PLAC8: variants seen among roughly 807,000 people sequenced by gnomAD.
The protein encoded by PLAC8 is placenta-specific gene 8 protein.
Under a neutral mutation model 12.6 loss-of-function variants are expected in PLAC8, and 6 were observed. The observed-to-expected ratio is 0.48, with a 90% CI of 0.26 to 0.94. PLAC8 has a LOEUF of 0.94. Ranked by LOEUF, PLAC8 falls within the 40% of genes least tolerant of loss-of-function variation. PLAC8 has a pLI of 0.14. For missense variants in PLAC8, 122 were observed against 152.7 expected (o/e 0.80, Z 1.06); for synonymous variants, 54 against 52.6 (o/e 1.03, Z -0.11).
Position 83,094,852 on chromosome 4 carries a change from C to A in PLAC8, c.244-61G>T. 4 of 961,858 alleles carry A rather than the reference C, an allele frequency of 4.2e-6. No individual in the cohort carries two copies. The South Asian group carries it at 5.4e-5, about 13-fold the overall frequency. The allele number at this position is 961,858 out of a possible 1,614,324, so 59.6% of individuals were successfully genotyped here. A position where few individuals can be genotyped will look rare whatever the true frequency, so the allele number is the denominator to read the frequency against. ...TTCACCTATTTGGAATTAAGACTTG[C>A]CACATCTTGAAGAGAAGCAGAAGGC... On this transcript the variant is annotated intron_variant, in intron 3 of 4. Transcript: ENST00000311507.
At chr4:83,101,232 T>G (rs1434889054) in intron 3 of PLAC8, among the ~76,000 whole-genome samples, 4 of 151,964 alleles carry the variant, frequency 2.6e-5, no homozygotes, top group Non-Finnish European at 5.9e-5. Context: ...ACAAAAAAAT[T>G]AGCTGGGTGT....
chr4:83,106,489 G>T (rs1299786201), intron 2 of PLAC8, among the ~76,000 whole-genome samples: 1 of 151,824 alleles, frequency 6.6e-6, no homozygotes. Flanking sequence ...GTGGTTGTGC[G>T]TGCCTGTAAC....
intron 1 of PLAC8, among the ~76,000 whole-genome samples, chr4:83,113,089 A>ACTGTTCAGAGATTGTGGTT (rs1560458609): frequency 6.6e-6 from 1 of 152,240 alleles, no homozygotes; most frequent in East Asian, 1.9e-4. Context: ...AATTCTACAC[A>ACTGTTCAGAGATTGTGGTT]CTGTTCAGAG....
At chr4:83,106,532 A>C (rs1014431457) in intron 2 of PLAC8, among the ~76,000 whole-genome samples, 1 of 151,844 alleles carries the variant, frequency 6.6e-6, no homozygotes, top group Non-Finnish European at 1.5e-5. Context: ...TAGGAGAATC[A>C]CTTGAACCAG....
chr4:83,107,271 C>T (rs1182980560), intron 2 of PLAC8, among the ~76,000 whole-genome samples: 2 of 150,758 alleles, frequency 1.3e-5, no homozygotes, highest in Admixed American at 6.6e-5. Context: ...CAGTGACAAG[C>T]TAATTGCCTC....
chr4:83,100,274 C>G (rs1033856802), intron 3 of PLAC8, among the ~76,000 whole-genome samples: 1 of 131,486 alleles, frequency 7.6e-6, no homozygotes, highest in African/African-American at 3.4e-5. Context: ...GAGCGAGACT[C>G]CATCTCAAAA....
intron 1 of PLAC8, among the ~76,000 whole-genome samples, chr4:83,111,223 C>A (rs1383469248): frequency 6.6e-6 from 1 of 152,186 alleles, no homozygotes; most frequent in Non-Finnish European, 1.5e-5. Flanking sequence ...CCTGCCTTGG[C>A]CTCCCAAAAC....
intron 4 of PLAC8, among the ~76,000 whole-genome samples, chr4:83,091,187 A>G (rs1731798843): frequency 6.6e-6 from 1 of 152,200 alleles, no homozygotes; most frequent in South Asian, 2.1e-4. Context: ...ATGCATTACT[A>G]CTAATCAAAG....
intron 4 of PLAC8, chr4:83,092,810 C>CTTTTTTTTTTTTTTTTTT: frequency 1.2e-5 from 1 of 84,886 alleles, no homozygotes; most frequent in Non-Finnish European, 2.2e-5. Context: ...TTTTCTTTTC[C>CTTTTTTTTTTTTTTTTTT]TTTTTTTTTT....
chr4:83,101,245 C>T (rs555661642), intron 3 of PLAC8, among the ~76,000 whole-genome samples: 3 of 152,010 alleles, frequency 2.0e-5, no homozygotes, highest in African/African-American at 7.2e-5. Flanking sequence ...CTGGGTGTGG[C>T]GGCACGGGCC....
intron 3 of PLAC8, among the ~76,000 whole-genome samples, chr4:83,101,526 G>T (rs1168245146): frequency 6.6e-6 from 1 of 152,238 alleles, no homozygotes; most frequent in Admixed American, 6.5e-5. Flanking sequence ...GATGGAGAAG[G>T]TGTGGCAAGT....
Position 83,112,188 on chromosome 4 carries a change from T to TTA in PLAC8, c.-30+2476_-30+2477dup, listed in dbSNP as rs1391536491. On this transcript the variant is annotated intron_variant, in intron 1 of 4. Coordinates refer to ENST00000311507, the MANE Select transcript of PLAC8 (RefSeq NM_016619.3). ...GACTCCGTCTCAAAAAAAAAAAAAT[T>TTA]TATATATATATATATGTATATATAT... 1.7e-3 allele frequency among the ~76,000 whole-genome samples: 168 copies of TTA among 96,466 alleles called. 3 individuals carry two copies. Among genetic ancestry groups the TTA allele is most frequent in the African/African-American group, 6.8e-3 (138 of 20,308 alleles). The allele number at this position is 96,466 out of a possible 152,430, so 63.3% of individuals were successfully genotyped here. A position where few individuals can be genotyped will look rare whatever the true frequency, so the allele number is the denominator to read the frequency against.
At chr4:83,113,997 TTAA>T (rs1326435060) in intron 1 of PLAC8, among the ~76,000 whole-genome samples, 2 of 150,694 alleles carry the variant, frequency 1.3e-5, no homozygotes, top group African/African-American at 4.9e-5. Context: ...ATACATATTA[TTAA>T]TATTGATTAA....
intron 3 of PLAC8, among the ~76,000 whole-genome samples, chr4:83,101,120 C>T (rs1259972970): frequency 4.6e-5 from 7 of 152,140 alleles, no homozygotes; most frequent in African/African-American, 1.7e-4. Context: ...TGGCTCATGC[C>T]TATAATCCCA....
intron 3 of PLAC8, among the ~76,000 whole-genome samples, chr4:83,104,672 A>G (rs1018570443): frequency 2.0e-5 from 3 of 152,228 alleles, no homozygotes; most frequent in African/African-American, 7.2e-5. Context: ...TATGACATCC[A>G]TTGCAAATAT....
At chr4:83,105,572 G>A (rs1000829135) in intron 2 of PLAC8, among the ~76,000 whole-genome samples, 1 of 152,234 alleles carries the variant, frequency 6.6e-6, no homozygotes, top group African/African-American at 2.4e-5. Context: ...GGAGCCCTGG[G>A]ATGGGATGAG....
intron 1 of PLAC8, among the ~76,000 whole-genome samples, chr4:83,108,316 G>A (rs1377387060): frequency 2.0e-5 from 3 of 152,164 alleles, no homozygotes; most frequent in African/African-American, 4.8e-5. Context: ...AACTGGGCCG[G>A]GCGCGGTGAC....
intron 4 of PLAC8, chr4:83,092,810 C>CTTTTTTTTTTTTTTTTT (rs70946966): frequency 1.1e-4 from 9 of 84,886 alleles, no homozygotes; most frequent in East Asian, 3.7e-4. Flanking sequence ...TTTTCTTTTC[C>CTTTTTTTTTTTTTTTTT]TTTTTTTTTT....
chr4:83,112,089 G>A (rs937930699), intron 1 of PLAC8, among the ~76,000 whole-genome samples: 5 of 151,646 alleles, frequency 3.3e-5, no homozygotes, highest in South Asian at 2.1e-4. Context: ...CAGGAGAATC[G>A]CTTGAACCCA....
Sources: allele counts gnomAD v4.1 joint callset (sites outside exome capture counted in the v4.1 genomes callset), GRCh38; gene constraint gnomAD v4.1.1; transcripts MANE v1.5; gene names NCBI Gene and HGNC (gene_info 2026-07-23, HGNC 2026-07-21).